The following PREX1 variants were observed in gnomAD, a reference collection of about 807,000 sequenced individuals.
The protein encoded by PREX1 is phosphatidylinositol-3,4,5-trisphosphate dependent Rac exchange factor 1.
Under a neutral mutation model 198.3 loss-of-function variants are expected in PREX1, and 41 were observed. The observed-to-expected ratio is 0.21, with a 90% confidence interval of 0.16 to 0.27. The LOEUF (loss-of-function observed/expected upper bound fraction) is 0.27, where lower values mean the gene tolerates loss of function less well. Among genes scored for constraint, PREX1 ranks in the 10% least tolerant of loss-of-function variants. The pLI is 1.00. For synonymous variants in PREX1, 843 were observed against 887.2 expected (o/e 0.95, Z 0.89); for missense variants, 1,620 against 2,200.7 (o/e 0.74, Z 5.28).
intron 7 of PREX1, among the ~76,000 whole-genome samples, chr20:48,700,048 T>G (rs191676252): frequency 3.3e-5 from 5 of 152,134 alleles, no homozygotes; most frequent in Admixed American, 3.3e-4. Context: ...GTCACCACAC[T>G]TCCCATCACA....
chr20:48,667,410 T>C (rs1429249804), intron 14 of PREX1, among the ~76,000 whole-genome samples: 2 of 151,440 alleles, frequency 1.3e-5, no homozygotes, highest in African/African-American at 2.4e-5. Context: ...AAAAACATCT[T>C]CCCCCCCAGG....
chr20:48,662,330 A>C (rs914483897), intron 15 of PREX1, among the ~76,000 whole-genome samples: 2 of 152,206 alleles, frequency 1.3e-5, no homozygotes, highest in Non-Finnish European at 2.9e-5. Flanking sequence ...ACAGCGTGGA[A>C]TCCCTCAAGT....
intron 4 of PREX1, 84 bp from the exon 5 acceptor site, chr20:48,726,475 A>C: frequency 7.4e-6 from 7 of 950,786 alleles, no homozygotes; most frequent in Non-Finnish European, 1.0e-5. Context: ...AAACGCTCTC[A>C]GAGCACAGCT....
chr20:48,735,719 G>GT (rs1568844301), intron 3 of PREX1, among the ~76,000 whole-genome samples: 2 of 152,102 alleles, frequency 1.3e-5, no homozygotes, highest in Non-Finnish European at 2.9e-5. Context: ...GGTAACTACT[G>GT]TAACAGACTC....
intron 3 of PREX1, among the ~76,000 whole-genome samples, chr20:48,739,075 C>T (rs754351700): frequency 6.6e-6 from 1 of 152,204 alleles, no homozygotes; most frequent in Non-Finnish European, 1.5e-5. Flanking sequence ...ACAGTCCTCA[C>T]CTCGGCACGC....
At chr20:48,706,942 C>G (rs1368713251) in intron 6 of PREX1, among the ~76,000 whole-genome samples, 3 of 152,212 alleles carry the variant, frequency 2.0e-5, no homozygotes, top group African/African-American at 7.2e-5. Flanking sequence ...AAAGGAGAAT[C>G]AGAACATCAC....
At chr20:48,644,098 A>G in intron 27 of PREX1, among the ~76,000 whole-genome samples, 1 of 152,214 alleles carries the variant, frequency 6.6e-6, no homozygotes, top group Admixed American at 6.5e-5. Flanking sequence ...ACATTCATCG[A>G]ACATGAAGTA....
chr20:48,642,452 G>A lies in PREX1; in HGVS notation c.3639C>T (p.Asp1213=), dbSNP rs2089421938. Reference sequence around the variant, plus strand: ...GGCAGCCATGAAGCTTGTCCTGCTTGTCAGATGGGATCCGCATGTCACAGG... The same window carrying A: ...GGCAGCCATGAAGCTTGTCCTGCTTATCAGATGGGATCCGCATGTCACAGG... The part of the protein sequence containing the change: ...ELPCDMRIPS[D]KQDKLHGCLE... Residue 1213 remains aspartate, a synonymous_variant, in exon 28 of 40, where the codon GAC becomes GAT. Coordinates refer to ENST00000371941, the MANE Select transcript of PREX1 (RefSeq NM_020820.4). 6.2e-7 allele frequency: 1 copy of A among 1,613,720 alleles called. No individual in the cohort carries two copies. The highest frequency in any genetic ancestry group is 1.3e-5 in the African/African-American group (1 of 75,052).
chr20:48,663,932 G>A (rs1237546931), intron 15 of PREX1, among the ~76,000 whole-genome samples: 1 of 150,620 alleles, frequency 6.6e-6, no homozygotes, highest in Non-Finnish European at 1.5e-5. Context: ...ACACACACGG[G>A]ACTGTTATCT....
chr20:48,874,822 A>G, the PREX1 span, among the ~76,000 whole-genome samples: 3 of 151,500 alleles, frequency 2.0e-5, no homozygotes, highest in South Asian at 6.3e-4. Flanking sequence ...GGTTGTAGTG[A>G]GCCGAGATCA....
rs537271666 is a variant in PREX1, at chr20:48,624,923, C to A, written c.*962G>T. 1 of 152,472 alleles carries A rather than the reference C, an allele frequency of 6.6e-6. No homozygotes were observed. The highest frequency in any genetic ancestry group is 2.1e-4 in the South Asian group (1 of 4,830). 9.4% of individuals were successfully genotyped at this position (152,472 alleles called of 1,614,324 possible). On this transcript the variant is annotated 3_prime_UTR_variant, in exon 40 of 40. Transcript: ENST00000371941. The stretch of plus-strand genomic sequence containing the variant: ...CAAAGAGAGCGAGTTCTAACACCGG[C>A]CAACCGCTGGAGAATGGAGGGTGGG...
At chr20:48,725,574 C>A (rs553602106) in intron 5 of PREX1, among the ~76,000 whole-genome samples, 1 of 152,364 alleles carries the variant, frequency 6.6e-6, no homozygotes, top group South Asian at 2.1e-4. Flanking sequence ...CCTCACCCTG[C>A]CTTCCACAAA....
rs1380672534 is a variant in PREX1, at chr20:48,625,893, C to T, written c.4972G>A (p.Asp1658Asn). 63 of 1,561,732 alleles carry T rather than the reference C, an allele frequency of 4.0e-5. No homozygotes were observed. The highest frequency in any genetic ancestry group is 5.4e-5 in the Non-Finnish European group (62 of 1,156,682). The stretch of plus-strand genomic sequence containing the variant: ...GTGGGGCATTTGGGTGTTCAGAGGT[C>T]CCCATCCACCGGCGGCTGGCAGAGG... ...YRLCQPPVDGDL is the reference protein window; with the variant it reads ...YRLCQPPVDGNL Residue 1658 changes from aspartate to asparagine, a missense_variant, in exon 40 of 40, where the codon GAC (aspartate) becomes AAC (asparagine). Coordinates refer to ENST00000371941, the MANE Select transcript of PREX1 (RefSeq NM_020820.4).
rs116859666 is a variant in PREX1, at chr20:48,803,421, C to T, written c.219+24221G>A. On this transcript the variant is annotated intron_variant, in intron 1 of 39. Coordinates refer to ENST00000371941, the MANE Select transcript of PREX1 (RefSeq NM_020820.4). Reference sequence around the variant, plus strand: ...GCAGACTCCCCGAAAGCCATGCCATCTGGAGCCCCTTTGTGATAAAGGGAA... The same window carrying T: ...GCAGACTCCCCGAAAGCCATGCCATTTGGAGCCCCTTTGTGATAAAGGGAA... 9.4e-3 allele frequency among the ~76,000 whole-genome samples: 1,426 copies of T among 152,236 alleles called. 7 individuals carry two copies. The highest frequency in any genetic ancestry group is 0.014 in the Non-Finnish European group (972 of 68,010).
intron 25 of PREX1, 108 bp from the exon 26 acceptor site, chr20:48,646,165 G>C (rs1007221202): frequency 3.6e-6 from 4 of 1,111,730 alleles, no homozygotes; most frequent in Non-Finnish European, 3.9e-6. Context: ...CCTCCTGTTG[G>C]GGGTGGGAGA....
chr20:48,810,634 C>T (rs965662073), intron 1 of PREX1, among the ~76,000 whole-genome samples: 15 of 148,258 alleles, frequency 1.0e-4, no homozygotes, highest in Admixed American at 8.8e-4. Flanking sequence ...CTCTTGTAAT[C>T]CCAGCACTTT....
chr20:48,657,768 C>T (rs2089556674), intron 17 of PREX1, among the ~76,000 whole-genome samples: 1 of 152,138 alleles, frequency 6.6e-6, no homozygotes, highest in South Asian at 2.1e-4. Context: ...CACACCCTCA[C>T]TCTCCTAACC....
At chr20:48,882,320 G>A in the PREX1 span, among the ~76,000 whole-genome samples, 3 of 151,710 alleles carry the variant, frequency 2.0e-5, no homozygotes, top group Non-Finnish European at 4.4e-5. Context: ...GGCTAACACG[G>A]TGAAACCCCG....
At chr20:48,648,095 T>C (rs2089464653) in intron 25 of PREX1, among the ~76,000 whole-genome samples, 1 of 151,898 alleles carries the variant, frequency 6.6e-6, no homozygotes, top group African/African-American at 2.4e-5. Context: ...TTTATAGAGA[T>C]AGGGTTTCAC....
Sources: gnomAD v4.1 joint callset for allele counts (sites outside exome capture counted in the v4.1 genomes callset) on GRCh38, gnomAD v4.1.1 for gene constraint, MANE v1.5 for transcripts, NCBI Gene and HGNC (gene_info 2026-07-23, HGNC 2026-07-21) for gene names.